MYRFL: variants seen among roughly 807,000 people sequenced by gnomAD.
MYRFL encodes the protein myelin regulatory factor-like protein.
MYRFL carries 88 observed loss-of-function variants against 109.4 expected under a neutral mutation model. That is an observed-to-expected ratio of 0.80 (90% CI 0.68 to 0.96). MYRFL has a LOEUF of 0.96. MYRFL is among the 40% of genes least tolerant of loss of function. The pLI, the probability that MYRFL is intolerant of heterozygous loss-of-function variation, is 0.00. For missense variants in MYRFL, 957 were observed against 954.9 expected (o/e 1.00, Z -0.03); for synonymous variants, 324 against 320.9 (o/e 1.01, Z -0.10).
chr12:69,904,485 G>A (rs147263693), intron 11 of MYRFL: 1 of 152,382 alleles, frequency 6.6e-6, no homozygotes, highest in African/African-American at 2.4e-5. Flanking sequence ...GCTCTCCCCA[G>A]TTACGTGACC....
At chr12:69,947,406 T>C (rs930605148) in intron 19 of MYRFL, among the ~76,000 whole-genome samples, 2 of 152,154 alleles carry the variant, frequency 1.3e-5, no homozygotes, top group Non-Finnish European at 2.9e-5. Context: ...CTGTGTAAAG[T>C]GTCTTTCAGA....
At chr12:69,830,983 C>G (rs901171649) in intron 1 of MYRFL, among the ~76,000 whole-genome samples, 1 of 152,102 alleles carries the variant, frequency 6.6e-6, no homozygotes, top group South Asian at 2.1e-4. Context: ...GGAAGCTAAA[C>G]ATTCAATACA....
intron 15 of MYRFL, among the ~76,000 whole-genome samples, chr12:69,930,536 C>T (rs756058150): frequency 3.3e-5 from 5 of 151,968 alleles, no homozygotes; most frequent in Non-Finnish European, 5.9e-5. Flanking sequence ...AGAATGAAGA[C>T]GGCTGGGCAT....
intron 16 of MYRFL, among the ~76,000 whole-genome samples, chr12:69,933,395 A>G (rs1447768402): frequency 2.0e-5 from 3 of 151,968 alleles, no homozygotes; most frequent in African/African-American, 7.3e-5. Flanking sequence ...GACTATTCAT[A>G]TGGTGAAAGG....
In MYRFL at chr12:69,924,342, T is replaced by A. The variant is rs188787173; in HGVS notation, c.1603-2229T>A. On this transcript the variant is annotated intron_variant, in intron 13 of 24. Coordinates refer to ENST00000552032, the MANE Select transcript of MYRFL (RefSeq NM_182530.3). ...TATGTGTAACAATTTTAAGTTAGTTTTTGTTTATTCTTCATTTTATTAATG... is the reference window on the plus strand; with the variant it reads ...TATGTGTAACAATTTTAAGTTAGTTATTGTTTATTCTTCATTTTATTAATG... 1.7e-3 allele frequency among the ~76,000 whole-genome samples: 259 copies of A among 152,344 alleles called. 1 individual carries two copies. The highest frequency in any genetic ancestry group is 5.5e-3 in the African/African-American group (230 of 41,564).
At chr12:69,872,783 G>A (rs975997653) in intron 2 of MYRFL, among the ~76,000 whole-genome samples, 1 of 151,934 alleles carries the variant, frequency 6.6e-6, no homozygotes, top group African/African-American at 2.4e-5. Flanking sequence ...ACGGGTGTGA[G>A]CCACCACGCC....
At chr12:69,862,806 G>A (rs565467462) in intron 2 of MYRFL, among the ~76,000 whole-genome samples, 37 of 152,326 alleles carry the variant, frequency 2.4e-4, no homozygotes, top group African/African-American at 7.7e-4. Flanking sequence ...AGTGGTGAGA[G>A]AGGGCCTCCC....
chr12:69,917,636 C>T (rs1954782430), intron 13 of MYRFL, among the ~76,000 whole-genome samples: 1 of 152,064 alleles, frequency 6.6e-6, no homozygotes, highest in Admixed American at 6.6e-5. Flanking sequence ...TTGCCATTCT[C>T]TTTCCGTTAT....
At chr12:69,937,264 ATTTAT>A (rs1955499413) in intron 19 of MYRFL, among the ~76,000 whole-genome samples, 1 of 152,208 alleles carries the variant, frequency 6.6e-6, no homozygotes, top group South Asian at 2.1e-4. Context: ...ATGTATACTA[ATTTAT>A]TATTGTTTTT....
intron 1 of MYRFL, among the ~76,000 whole-genome samples, chr12:69,846,551 T>A (rs1204061408): frequency 6.6e-6 from 1 of 152,036 alleles, no homozygotes; most frequent in Non-Finnish European, 1.5e-5. Context: ...GGCTGCATAG[T>A]ATTCCATGGT....
At chr12:69,907,788 A>C (rs1954414129) in intron 11 of MYRFL, among the ~76,000 whole-genome samples, 1 of 152,234 alleles carries the variant, frequency 6.6e-6, no homozygotes, top group African/African-American at 2.4e-5. Context: ...CTAAAATTTA[A>C]GCTCCAAAAG....
intron 18 of MYRFL, 25 bp from the exon 19 acceptor site, chr12:69,936,428 C>CT: frequency 3.9e-6 from 6 of 1,530,838 alleles, no homozygotes; most frequent in African/African-American, 1.4e-5. Flanking sequence ...CTTGCTTCCC[C>CT]TCCCCCCTGC....
intron 2 of MYRFL, among the ~76,000 whole-genome samples, chr12:69,868,138 G>A (rs185994879): frequency 1.6e-3 from 229 of 142,848 alleles, no homozygotes; most frequent in African/African-American, 5.2e-3. Context: ...ACGGAGTCTC[G>A]CTCTGTTGCC....
intron 2 of MYRFL, among the ~76,000 whole-genome samples, chr12:69,877,276 G>C (rs1277242789): frequency 6.6e-6 from 1 of 151,966 alleles, no homozygotes; most frequent in African/African-American, 2.4e-5. Context: ...GCCCGCCTCC[G>C]CCTCCCAAAG....
At chr12:69,834,588 G>A (rs1882826248) in intron 1 of MYRFL, among the ~76,000 whole-genome samples, 1 of 152,194 alleles carries the variant, frequency 6.6e-6, no homozygotes, top group Non-Finnish European at 1.5e-5. Flanking sequence ...ATAAATGGTA[G>A]TGGTTTTTAT....
chr12:69,877,825 G>A (rs1485196655), intron 2 of MYRFL, among the ~76,000 whole-genome samples: 1 of 152,226 alleles, frequency 6.6e-6, no homozygotes. Context: ...AGAGAATCAA[G>A]TAGAGGTTGG....
chr12:69,957,285 C>G (rs1426970931), intron 22 of MYRFL, among the ~76,000 whole-genome samples: 3 of 152,028 alleles, frequency 2.0e-5, no homozygotes, highest in African/African-American at 7.2e-5. Flanking sequence ...CTGCCTAGAC[C>G]CGGAATTTGC....
chr12:69,903,301 G>T (rs1954248537), intron 10 of MYRFL, among the ~76,000 whole-genome samples: 1 of 152,182 alleles, frequency 6.6e-6, no homozygotes, highest in Admixed American at 6.5e-5. Context: ...TCATGATGAT[G>T]ATGACTATTC....
At chr12:69,901,966 T>C (rs1468057803) in intron 10 of MYRFL, among the ~76,000 whole-genome samples, 1 of 149,786 alleles carries the variant, frequency 6.7e-6, no homozygotes, top group Non-Finnish European at 1.5e-5. Context: ...TGATCTCAGC[T>C]CACTGCAACC....
Sources: gnomAD v4.1 joint callset for allele counts (sites outside exome capture counted in the v4.1 genomes callset) on GRCh38, gnomAD v4.1.1 for gene constraint, MANE v1.5 for transcripts, NCBI Gene and HGNC (gene_info 2026-07-23, HGNC 2026-07-21) for gene names.